TAFA1: variants seen among roughly 807,000 people sequenced by gnomAD.
TAFA1 encodes the protein chemokine-like protein TAFA-1.
TAFA1 carries 4 observed loss-of-function variants against 18.5 expected under a neutral mutation model. That is an observed-to-expected ratio of 0.22 (90% CI 0.11 to 0.49). The LOEUF (loss-of-function observed/expected upper bound fraction) is 0.49, where lower values mean the gene tolerates loss of function less well. Among genes scored for constraint, TAFA1 ranks in the 20% least tolerant of loss-of-function variants. The pLI is 0.98. For missense variants in TAFA1, 147 were observed against 169.0 expected (o/e 0.87, Z 0.72); for synonymous variants, 56 against 55.2 (o/e 1.01, Z -0.06).
At chr3:68,120,138 T>C (rs1401814899) in intron 2 of TAFA1, among the ~76,000 whole-genome samples, 2 of 152,150 alleles carry the variant, frequency 1.3e-5, no homozygotes, top group Non-Finnish European at 2.9e-5. Flanking sequence ...TAAGCCTCCA[T>C]ATTTCATTTT....
intron 2 of TAFA1, among the ~76,000 whole-genome samples, chr3:68,378,102 C>T (rs772106637): frequency 2.0e-5 from 3 of 152,178 alleles, no homozygotes; most frequent in African/African-American, 4.8e-5. Context: ...AGGCCCCATA[C>T]GGAGTCCCCA....
At chr3:68,490,113 G>A (rs897984314) in intron 3 of TAFA1, among the ~76,000 whole-genome samples, 1 of 152,302 alleles carries the variant, frequency 6.6e-6, no homozygotes, top group South Asian at 2.1e-4. Context: ...ATTTTAGCTT[G>A]ACAGATTTCC....
chr3:68,143,602 T>A (rs2065697525), intron 2 of TAFA1, among the ~76,000 whole-genome samples: 1 of 152,114 alleles, frequency 6.6e-6, no homozygotes, highest in Admixed American at 6.6e-5. Flanking sequence ...CAGATGCCAG[T>A]TATGACATCC....
At chr3:68,483,369 G>A (rs1160843217) in intron 3 of TAFA1, among the ~76,000 whole-genome samples, 10 of 152,092 alleles carry the variant, frequency 6.6e-5, no homozygotes, top group South Asian at 4.1e-4. Context: ...ATATGTACCC[G>A]GATCTATATA....
At chr3:68,120,097 C>T (rs1042389762) in intron 2 of TAFA1, among the ~76,000 whole-genome samples, 1 of 152,150 alleles carries the variant, frequency 6.6e-6, no homozygotes, top group African/African-American at 2.4e-5. Flanking sequence ...GTCCTGCCTA[C>T]CTGCAAGAGT....
chr3:68,181,291 T>C (rs181378510), intron 2 of TAFA1, among the ~76,000 whole-genome samples: 1 of 151,706 alleles, frequency 6.6e-6, no homozygotes, highest in Non-Finnish European at 1.5e-5. Flanking sequence ...TGTTTTAAGC[T>C]GCTGAAATTT....
chr3:68,348,964 GC>G (rs763334497), intron 2 of TAFA1, among the ~76,000 whole-genome samples: 33 of 151,862 alleles, frequency 2.2e-4, no homozygotes, highest in South Asian at 6.2e-4. Flanking sequence ...AGGTGTAGAA[GC>G]TTTTTGCTTC....
rs147751313 is a variant in TAFA1, at chr3:68,011,709, A to G, written c.118+4965A>G. 8.5e-3 allele frequency among the ~76,000 whole-genome samples: 1,295 copies of G among 152,314 alleles called. 21 individuals carry two copies. The highest frequency in any genetic ancestry group is 0.029 in the African/African-American group (1,205 of 41,562). ...GCGTACCAGTGCTAGGCTGCTAAAT[A>G]TAGCGAATTGGCCTAAGGATTGGAG... is the stretch of plus-strand genomic sequence containing the variant. On this transcript the variant is annotated intron_variant, in intron 2 of 4. Transcript: ENST00000478136.
At chr3:68,375,517 T>C (rs2069792314) in intron 2 of TAFA1, among the ~76,000 whole-genome samples, 1 of 152,194 alleles carries the variant, frequency 6.6e-6, no homozygotes, top group Admixed American at 6.5e-5. Flanking sequence ...GATCTATACA[T>C]TTTGTATATA....
chr3:68,220,255 A>G (rs1320109305), intron 2 of TAFA1, among the ~76,000 whole-genome samples: 1 of 152,198 alleles, frequency 6.6e-6, no homozygotes, highest in African/African-American at 2.4e-5. Flanking sequence ...ACAAAGATAT[A>G]TAAAGATTGT....
intron 2 of TAFA1, among the ~76,000 whole-genome samples, chr3:68,116,186 C>T (rs536958897): frequency 1.3e-5 from 2 of 152,206 alleles, no homozygotes; most frequent in Non-Finnish European, 2.9e-5. Context: ...ACCCAGGAGA[C>T]GGAGCTTGCA....
chr3:68,083,760 G>A (rs2064934897), intron 2 of TAFA1, among the ~76,000 whole-genome samples: 1 of 151,976 alleles, frequency 6.6e-6, no homozygotes, highest in South Asian at 2.1e-4. Context: ...CTTGTTTCTG[G>A]TCTGTTACCA....
intron 2 of TAFA1, among the ~76,000 whole-genome samples, chr3:68,061,413 C>G (rs532383496): frequency 1.3e-5 from 2 of 152,028 alleles, no homozygotes; most frequent in Non-Finnish European, 2.9e-5. Context: ...GAAAGGAGAC[C>G]GAGTGCATTC....
intron 2 of TAFA1, among the ~76,000 whole-genome samples, chr3:68,356,121 G>T (rs1476898290): frequency 1.3e-5 from 2 of 151,770 alleles, no homozygotes; most frequent in African/African-American, 4.8e-5. Flanking sequence ...ACAATAGAAA[G>T]TTCTGCTGAA....
Position 68,529,436 on chromosome 3 carries a change from TAAAAAAAAAAAAAAA to T in TAFA1, c.260-9304_260-9290del, listed in dbSNP as rs533214097. ...CATGGAATCTAGATTCACCATTCTC[TAAAAAAAAAAAAAAA>T]AAAAAAAAAAAAAAAGAACACAAGC... On this transcript the variant is annotated intron_variant, in intron 3 of 4. Transcript: ENST00000478136. 4.3e-3 allele frequency among the ~76,000 whole-genome samples: 331 copies of T among 77,080 alleles called. 4 individuals carry two copies. Among genetic ancestry groups the T allele is most frequent in the African/African-American group, 0.013 (290 of 22,074 alleles). 50.6% of individuals were successfully genotyped at this position (77,080 alleles called of 152,430 possible). A position where few individuals can be genotyped will look rare whatever the true frequency, so the allele number is the denominator to read the frequency against.
chr3:68,089,861 C>G (rs775429407), intron 2 of TAFA1, among the ~76,000 whole-genome samples: 2 of 152,196 alleles, frequency 1.3e-5, no homozygotes, highest in Non-Finnish European at 2.9e-5. Context: ...GTAAACAACA[C>G]TGGCTTGAAT....
chr3:68,429,221 T>C (rs1437398781), intron 3 of TAFA1, among the ~76,000 whole-genome samples: 1 of 151,956 alleles, frequency 6.6e-6, no homozygotes, highest in Admixed American at 6.6e-5. Context: ...AATGATCTTC[T>C]CAACTAAATG....
chr3:68,511,151 C>T (rs2137178), intron 3 of TAFA1, among the ~76,000 whole-genome samples: 121,106 of 152,104 alleles, frequency 0.8, 48,503 homozygotes, highest in African/African-American at 0.88. Flanking sequence ...TGCAATCGTA[C>T]TTTATTTGCT....
At chr3:68,135,862 T>C (rs6768632) in intron 2 of TAFA1, among the ~76,000 whole-genome samples, 78,078 of 151,978 alleles carry the variant, frequency 0.51, 21,188 homozygotes, top group South Asian at 0.64. Context: ...GTTTCACACA[T>C]ATTTGGGGGG....
Sources: allele counts gnomAD v4.1 joint callset (sites outside exome capture counted in the v4.1 genomes callset), GRCh38; gene constraint gnomAD v4.1.1; transcripts MANE v1.5; gene names NCBI Gene and HGNC (gene_info 2026-07-23, HGNC 2026-07-21).